SYN3: variants seen among roughly 807,000 people sequenced by gnomAD.
SYN3 encodes synapsin III, also known as synapsin-3.
SYN3 carries 35 observed loss-of-function variants against 65.8 expected under a neutral mutation model. The ratio of observed to expected loss-of-function variants is 0.53; its 90% CI spans 0.41 to 0.70. The LOEUF (loss-of-function observed/expected upper bound fraction) is 0.70. Ranked by LOEUF, SYN3 falls within the 30% of genes least tolerant of loss-of-function variation. SYN3 has a pLI of 0.00. For synonymous variants in SYN3, 270 were observed against 292.9 expected (o/e 0.92, Z 0.80); for missense variants, 680 against 749.0 (o/e 0.91, Z 1.08).
At chr22:32,621,598 C>A (rs1052912914) in intron 6 of SYN3, among the ~76,000 whole-genome samples, 1 of 152,136 alleles carries the variant, frequency 6.6e-6, no homozygotes, top group Non-Finnish European at 1.5e-5. Flanking sequence ...CCAAGCAATG[C>A]ACCTGGTGCT....
At chr22:32,713,585 C>G (rs1244645277) in intron 6 of SYN3, among the ~76,000 whole-genome samples, 1 of 152,192 alleles carries the variant, frequency 6.6e-6, no homozygotes, top group Admixed American at 6.5e-5. Context: ...AATCCCAGCA[C>G]TTTGGGAGGC....
chr22:32,742,348 G>A (rs758962058), intron 6 of SYN3, among the ~76,000 whole-genome samples: 2 of 152,172 alleles, frequency 1.3e-5, no homozygotes, highest in Non-Finnish European at 2.9e-5. Flanking sequence ...AGCCCAGAAT[G>A]ACTCCTAGGT....
At position 32,988,112 on chromosome 22, in the gene SYN3, T is replaced by A. The variant is rs529370350; in HGVS notation, c.312-7410A>T. ...TCACGAGGTCAAGAGATCAAGACCA[T>A]CCTGGCCAACATGGTGAAACGCCAT... On this transcript the variant is annotated intron_variant, in intron 2 of 13. Coordinates refer to ENST00000358763, the MANE Select transcript of SYN3 (RefSeq NM_003490.4). Among the ~76,000 whole-genome samples, 6 of 151,822 alleles carry A rather than the reference T, an allele frequency of 4.0e-5. No homozygotes were observed. The South Asian group carries it at 1.3e-3, about 32-fold the overall frequency.
At chr22:32,734,927 G>C (rs2061319347) in intron 6 of SYN3, among the ~76,000 whole-genome samples, 1 of 152,168 alleles carries the variant, frequency 6.6e-6, no homozygotes, top group South Asian at 2.1e-4. Flanking sequence ...CTTCTAATGT[G>C]CCTACCTGTT....
rs143818122 is a variant in SYN3 at position 32,725,510 on chromosome 22, C to T, written c.712-128774G>A. On this transcript the variant is annotated intron_variant, in intron 6 of 13. Coordinates refer to ENST00000358763, the MANE Select transcript of SYN3 (RefSeq NM_003490.4). ...GACTTTGCTGATGTGATGAAGTGAACGATCTTGAGATGGAGAGATTATCTT... is the reference window on the plus strand; with the variant it reads ...GACTTTGCTGATGTGATGAAGTGAATGATCTTGAGATGGAGAGATTATCTT... Among the ~76,000 whole-genome samples the T allele has an allele frequency of 4.3e-4, 65 of 152,302 alleles. 1 individual carries two copies. Among genetic ancestry groups the T allele is most frequent in the African/African-American group, 1.5e-3 (63 of 41,572 alleles).
In SYN3 at chr22:32,513,616, C is replaced by T; in HGVS notation, c.*76G>A. On this transcript the variant is annotated 3_prime_UTR_variant, in exon 14 of 14. Coordinates refer to ENST00000358763, the MANE Select transcript of SYN3 (RefSeq NM_003490.4). ...CCTCCATTCTGTTCCCATCAGGAAC[C>T]AAGGCTGAGAAGGAAGATGAGGCAG... is the stretch of plus-strand genomic sequence containing the variant. The T allele has an allele frequency of 1.3e-6, 2 of 1,570,722 alleles. No individual in the cohort carries two copies. The highest frequency in any genetic ancestry group is 1.7e-6 in the Non-Finnish European group (2 of 1,153,856).
intron 1 of SYN3, among the ~76,000 whole-genome samples, chr22:33,056,058 G>A (rs2054248950): frequency 6.6e-6 from 1 of 152,098 alleles, no homozygotes; most frequent in Non-Finnish European, 1.5e-5. Flanking sequence ...GTTGGGTTTT[G>A]GAAGAGACTG....
chr22:32,703,474 T>C (rs1239471936), intron 6 of SYN3, among the ~76,000 whole-genome samples: 1 of 152,032 alleles, frequency 6.6e-6, no homozygotes, highest in Non-Finnish European at 1.5e-5. Flanking sequence ...CCGTCTCTAC[T>C]AAGAATACAA....
intron 1 of SYN3, among the ~76,000 whole-genome samples, chr22:33,031,492 C>T (rs1337422062): frequency 6.6e-6 from 1 of 152,106 alleles, no homozygotes. Flanking sequence ...CCCCACTGGA[C>T]AAAGGCAGCT....
chr22:33,046,015 A>C (rs1047759267), intron 1 of SYN3, among the ~76,000 whole-genome samples: 6 of 152,172 alleles, frequency 3.9e-5, no homozygotes, highest in Non-Finnish European at 7.3e-5. Context: ...AAAAAAAAAA[A>C]CAAAAAACGT....
chr22:32,805,957 T>G (rs762249232), intron 6 of SYN3, among the ~76,000 whole-genome samples: 12 of 151,914 alleles, frequency 7.9e-5, no homozygotes, highest in Non-Finnish European at 1.6e-4. Context: ...TTATTATTAT[T>G]CTAGTGTATC....
At chr22:32,850,533 T>C (rs960991422) in intron 6 of SYN3, among the ~76,000 whole-genome samples, 1 of 152,156 alleles carries the variant, frequency 6.6e-6, no homozygotes, top group African/African-American at 2.4e-5. Context: ...CCTCTCTACA[T>C]GCAGAGCTCC....
chr22:32,570,561 G>A (rs533865243), intron 7 of SYN3, among the ~76,000 whole-genome samples: 18 of 151,742 alleles, frequency 1.2e-4, no homozygotes, highest in East Asian at 9.7e-4. Flanking sequence ...TAGTAGGGTC[G>A]GGGGAGGAGT....
At chr22:32,736,926 C>T (rs956470115) in intron 6 of SYN3, among the ~76,000 whole-genome samples, 4 of 152,134 alleles carry the variant, frequency 2.6e-5, no homozygotes, top group African/African-American at 7.2e-5. Flanking sequence ...TTTCACTAAA[C>T]ATTTACCAGC....
At chr22:32,541,234 C>T (rs2058248696) in intron 8 of SYN3, among the ~76,000 whole-genome samples, 2 of 152,142 alleles carry the variant, frequency 1.3e-5, no homozygotes, top group Admixed American at 6.5e-5. Flanking sequence ...AAAAATACTC[C>T]AAAACCCTCA....
intron 6 of SYN3, among the ~76,000 whole-genome samples, chr22:32,673,976 A>ACTCTGTGG (rs2147078242): frequency 6.6e-6 from 1 of 151,992 alleles, no homozygotes; most frequent in African/African-American, 2.4e-5. Context: ...AGGTGTGGCT[A>ACTCTGTGG]CTCTGTGGGA....
chr22:32,899,705 G>A (rs1021215593), intron 4 of SYN3, among the ~76,000 whole-genome samples: 8 of 152,228 alleles, frequency 5.3e-5, no homozygotes, highest in African/African-American at 1.9e-4. Context: ...TCCTGGCCCT[G>A]AAACTCACTA....
intron 6 of SYN3, among the ~76,000 whole-genome samples, chr22:32,659,140 G>C (rs1161594020): frequency 6.6e-6 from 1 of 152,208 alleles, no homozygotes; most frequent in Non-Finnish European, 1.5e-5. Context: ...ACCAAGGTGA[G>C]TAAGGGCTAA....
chr22:32,757,057 T>TGG (rs112462843), intron 6 of SYN3, among the ~76,000 whole-genome samples: 16,975 of 148,088 alleles, frequency 0.11, 1,115 homozygotes, highest in Middle Eastern at 0.18. Flanking sequence ...CACTTTTTTT[T>TGG]GAGGGGGGGT....
Sources: gnomAD v4.1 joint callset for allele counts (sites outside exome capture counted in the v4.1 genomes callset) on GRCh38, gnomAD v4.1.1 for gene constraint, MANE v1.5 for transcripts, NCBI Gene and HGNC (gene_info 2026-07-23, HGNC 2026-07-21) for gene names.